The following PRKG1 variants were observed in gnomAD, a reference collection of about 807,000 sequenced individuals.
PRKG1 encodes the protein cGMP-dependent protein kinase 1.
In PRKG1, 35 loss-of-function variants were observed where a neutral mutation model predicts 88.1. The observed-to-expected ratio is 0.40, with a 90% CI of 0.30 to 0.53. The LOEUF (loss-of-function observed/expected upper bound fraction) is 0.53, where lower values mean the gene tolerates loss of function less well. PRKG1 is among the 20% of genes least tolerant of loss of function. PRKG1 has a pLI of 0.59. For missense variants in PRKG1, 540 were observed against 839.8 expected, an observed-to-expected ratio of 0.64 and a Z score of 4.41; for synonymous variants, 303 against 292.5, an observed-to-expected ratio of 1.04 and a Z score of -0.37.
intron 9 of PRKG1, among the ~76,000 whole-genome samples, chr10:52,166,527 G>C (rs1279311160): frequency 7.0e-6 from 1 of 143,234 alleles, no homozygotes. Flanking sequence ...TCCGCCTCCC[G>C]GGTTCACACC....
intron 2 of PRKG1, among the ~76,000 whole-genome samples, chr10:51,381,256 T>TAAAAAAAAAAAAAAAAAAA (rs71029366): frequency 4.7e-4 from 15 of 32,052 alleles, no homozygotes; most frequent in African/African-American, 8.4e-4. Flanking sequence ...GCCTCCATCT[T>TAAAAAAAAAAAAAAAAAAA]AAAAAAAAAA....
chr10:51,024,295 T>C (rs1843173327), intron 1 of PRKG1, among the ~76,000 whole-genome samples: 1 of 152,144 alleles, frequency 6.6e-6, no homozygotes, highest in Non-Finnish European at 1.5e-5. Context: ...TCATAGCCAA[T>C]GATGGAGAGT....
intron 3 of PRKG1, among the ~76,000 whole-genome samples, chr10:51,541,666 G>C (rs1008711553): frequency 1.3e-5 from 2 of 151,722 alleles, no homozygotes; most frequent in Non-Finnish European, 2.9e-5. Flanking sequence ...TACTTATATT[G>C]ATCACTCATG....
At chr10:51,727,158 A>C (rs1842152241) in intron 3 of PRKG1, among the ~76,000 whole-genome samples, 1 of 151,860 alleles carries the variant, frequency 6.6e-6, no homozygotes, top group Non-Finnish European at 1.5e-5. Context: ...AGAATTTTTT[A>C]AGCTAGGCAT....
intron 8 of PRKG1, among the ~76,000 whole-genome samples, chr10:52,146,255 A>G (rs1474928817): frequency 6.6e-6 from 1 of 152,206 alleles, no homozygotes; most frequent in Non-Finnish European, 1.5e-5. Flanking sequence ...ATTGGAAAGC[A>G]TAGAGACATA....
At chr10:51,146,881 T>A (rs188697738) in intron 1 of PRKG1, among the ~76,000 whole-genome samples, 159 of 152,250 alleles carry the variant, frequency 1.0e-3, no homozygotes, top group African/African-American at 3.6e-3. Flanking sequence ...ATAGCCAAGA[T>A]ACGGAATCAA....
intron 9 of PRKG1, among the ~76,000 whole-genome samples, chr10:52,171,373 G>A (rs893176132): frequency 1.3e-5 from 2 of 152,108 alleles, no homozygotes; most frequent in Non-Finnish European, 2.9e-5. Flanking sequence ...TTGTGAAATA[G>A]CCCTCAAACC....
chr10:51,871,769 C>A (rs1841164796), intron 4 of PRKG1, among the ~76,000 whole-genome samples: 3 of 152,134 alleles, frequency 2.0e-5, no homozygotes, highest in Admixed American at 2.0e-4. Context: ...AGGTCCAACA[C>A]CTGGAGGGAG....
intron 1 of PRKG1, among the ~76,000 whole-genome samples, chr10:51,020,558 A>G (rs1008837036): frequency 4.5e-4 from 69 of 152,342 alleles, no homozygotes; most frequent in African/African-American, 1.6e-3. Flanking sequence ...TGCTTTAAAA[A>G]TATGAAAATA....
At chr10:51,119,283 C>G (rs972200168) in intron 1 of PRKG1, among the ~76,000 whole-genome samples, 3 of 151,968 alleles carry the variant, frequency 2.0e-5, no homozygotes, top group Admixed American at 1.3e-4. Flanking sequence ...TGTTCACAGT[C>G]TTTGAGTTAT....
rs772877831 is a variant in PRKG1, at chr10:52,099,971, G to A, written c.936-33869G>A. On this transcript the variant is annotated intron_variant, in intron 7 of 17. Coordinates refer to ENST00000373980, the MANE Select transcript of PRKG1 (RefSeq NM_006258.4). ...CATTATTCTTATTTATTTTATTATC[G>A]ATGATGACAATGCTAGTATTCTTAG... Among the ~76,000 whole-genome samples the A allele has an allele frequency of 4.3e-4, 66 of 152,110 alleles. 3 individuals are homozygous for A. The highest frequency in any genetic ancestry group is 2.1e-4 in the South Asian group (1 of 4,818).
intron 2 of PRKG1, among the ~76,000 whole-genome samples, chr10:51,387,559 C>G (rs902696242): frequency 6.6e-6 from 1 of 151,924 alleles, no homozygotes; most frequent in South Asian, 2.1e-4. Flanking sequence ...AATGATGAAC[C>G]CTTGCTGTTT....
chr10:51,938,778 A>G (rs1360065884), intron 5 of PRKG1, among the ~76,000 whole-genome samples: 1 of 151,914 alleles, frequency 6.6e-6, no homozygotes. Flanking sequence ...TCCCTTCTAG[A>G]TATATGACTC....
At chr10:51,908,711 C>CTATCTA (rs59212192) in intron 5 of PRKG1, 6 of 144,740 alleles carry the variant, frequency 4.1e-5, no homozygotes, top group African/African-American at 1.3e-4. Flanking sequence ...CTCTCTCTCT[C>CTATCTA]TCTGTCTATC....
At chr10:52,217,212 A>T (rs1840133037) in intron 9 of PRKG1, among the ~76,000 whole-genome samples, 2 of 152,070 alleles carry the variant, frequency 1.3e-5, no homozygotes, top group African/African-American at 4.8e-5. Context: ...GAGTAAGTTT[A>T]TCCTACTTCC....
chr10:52,291,441 G>T lies in PRKG1; in HGVS notation c.1962+1151G>T, dbSNP rs1279279698. Reference sequence around the variant, plus strand: ...CCACAACAGTCCCCAGAGTGTGATGGTCCCCTTCCTGTGTTCATGTGTTCT... The same window carrying T: ...CCACAACAGTCCCCAGAGTGTGATGTTCCCCTTCCTGTGTTCATGTGTTCT... On this transcript the variant is annotated intron_variant, in intron 17 of 17. Coordinates refer to ENST00000373980, the MANE Select transcript of PRKG1 (RefSeq NM_006258.4). 6.6e-4 allele frequency among the ~76,000 whole-genome samples: 84 copies of T among 127,356 alleles called. 1 individual carries two copies. Among genetic ancestry groups the T allele is most frequent in the South Asian group, 2.5e-4 (1 of 3,930 alleles). The allele number at this position is 127,356 out of a possible 152,430, so 83.6% of individuals were successfully genotyped here.
chr10:51,486,865 C>G (rs1307753704), intron 3 of PRKG1, among the ~76,000 whole-genome samples: 1 of 152,040 alleles, frequency 6.6e-6, no homozygotes, highest in African/African-American at 2.4e-5. Flanking sequence ...TCTGTAATTC[C>G]TAATTTCTAC....
intron 2 of PRKG1, among the ~76,000 whole-genome samples, chr10:51,211,616 A>G (rs1187014698): frequency 4.6e-5 from 7 of 152,208 alleles, no homozygotes; most frequent in Non-Finnish European, 1.0e-4. Context: ...ACTTTAGCAA[A>G]GTCTCAGGAT....
rs1838844232 is a variant in PRKG1 at position 51,790,576 on chromosome 10, G to A, written c.593-14009G>A. Among the ~76,000 whole-genome samples the A allele has an allele frequency of 5.9e-5, 9 of 152,106 alleles. 1 individual carries two copies. The highest frequency in any genetic ancestry group is 5.9e-4 in the Admixed American group (9 of 15,270). On this transcript the variant is annotated intron_variant, in intron 3 of 17. Coordinates refer to ENST00000373980, the MANE Select transcript of PRKG1 (RefSeq NM_006258.4). ...ACAAACTCCAAATTATTGACTTTTA[G>A]TGTCCTTTATTTCTTTTGAATCCCC...
Sources: gnomAD v4.1 joint callset for allele counts (sites outside exome capture counted in the v4.1 genomes callset) on GRCh38, gnomAD v4.1.1 for gene constraint, MANE v1.5 for transcripts, NCBI Gene and HGNC (gene_info 2026-07-23, HGNC 2026-07-21) for gene names.